ZSWIM6: variants seen among roughly 807,000 people sequenced by gnomAD.
ZSWIM6 encodes the protein zinc finger SWIM-type containing 6, also known as zinc finger SWIM domain-containing protein 6.
ZSWIM6 carries 9 observed loss-of-function variants against 113.2 expected under a neutral mutation model. The observed-to-expected ratio is 0.08, with a 90% CI of 0.05 to 0.14. The LOEUF (loss-of-function observed/expected upper bound fraction) is 0.14, where lower values mean the gene tolerates loss of function less well. Among genes scored for constraint, ZSWIM6 ranks in the 10% least tolerant of loss-of-function variants. The probability of loss-of-function intolerance (pLI) is 1.00; values close to 1 mark genes in which losing one functional copy is unlikely to be tolerated. For missense variants in ZSWIM6, 1,162 were observed against 1,552.2 expected, an observed-to-expected ratio of 0.75 and a Z score of 4.22; for synonymous variants, 611 against 606.5, an observed-to-expected ratio of 1.01 and a Z score of -0.11.
intron 1 of ZSWIM6, among the ~76,000 whole-genome samples, chr5:61,442,930 T>A (rs552298866): frequency 2.5e-4 from 38 of 152,212 alleles, no homozygotes; most frequent in African/African-American, 9.2e-4. Flanking sequence ...TCAGCAATGC[T>A]TCAAACAAAC....
intron 1 of ZSWIM6, among the ~76,000 whole-genome samples, chr5:61,380,029 C>A (rs1244252636): frequency 6.6e-6 from 1 of 152,008 alleles, no homozygotes; most frequent in Non-Finnish European, 1.5e-5. Context: ...TTTGAATAGC[C>A]TTAGGACTAT....
Position 61,535,654 on chromosome 5 carries a change from C to A in ZSWIM6, c.2381+35C>A, listed in dbSNP as rs772305432. ...CACAGCCCAGCTGGGCAGAGGCAGGCCACATTCCCACTGGGAAGCATGGCT... is the reference window on the plus strand; with the variant it reads ...CACAGCCCAGCTGGGCAGAGGCAGGACACATTCCCACTGGGAAGCATGGCT... On this transcript the variant is annotated intron_variant, in intron 10 of 13. Coordinates refer to ENST00000252744, the MANE Select transcript of ZSWIM6 (RefSeq NM_020928.2). 5 of 1,548,426 alleles carry A rather than the reference C, an allele frequency of 3.2e-6. No homozygotes were observed. In the South Asian group the frequency reaches 6.0e-5, roughly 18 times the overall value.
At chr5:61,468,196 G>A (rs926195863) in intron 1 of ZSWIM6, among the ~76,000 whole-genome samples, 3 of 152,266 alleles carry the variant, frequency 2.0e-5, no homozygotes, top group Admixed American at 6.5e-5. Flanking sequence ...GCATTTAAGT[G>A]GCAGAACCTG....
intron 1 of ZSWIM6, among the ~76,000 whole-genome samples, chr5:61,418,997 T>C (rs890390606): frequency 6.6e-6 from 1 of 152,206 alleles, no homozygotes; most frequent in Non-Finnish European, 1.5e-5. Flanking sequence ...AATTTTTGTG[T>C]TTTTAGTAGA....
Position 61,544,871 on chromosome 5 carries a change from C to G in ZSWIM6, c.*554C>G, listed in dbSNP as rs1156635707. ...TCGTCCAGAAGCATGGCACACGATG[C>G]TTGTGCATGTGGAAACTTAGCGACT... On this transcript the variant is annotated 3_prime_UTR_variant, in exon 14 of 14. Transcript: ENST00000252744. 2.0e-5 allele frequency: 3 copies of G among 152,010 alleles called. No homozygotes were observed. The highest frequency in any genetic ancestry group is 2.0e-4 in the Admixed American group (3 of 15,260). The allele number at this position is 152,010 out of a possible 1,614,324, so 9.4% of individuals were successfully genotyped here.
intron 1 of ZSWIM6, among the ~76,000 whole-genome samples, chr5:61,457,027 G>T (rs1267158013): frequency 4.6e-5 from 7 of 151,460 alleles, no homozygotes; most frequent in African/African-American, 1.7e-4. Flanking sequence ...CTAGCATTAG[G>T]TATATCTCCC....
At chr5:61,508,111 G>C (rs149315565) in intron 4 of ZSWIM6, among the ~76,000 whole-genome samples, 158 of 152,224 alleles carry the variant, frequency 1.0e-3, no homozygotes, top group African/African-American at 3.6e-3. Context: ...TCATGTGAGG[G>C]TGAAATGTGA....
chr5:61,353,663 CCTT>C (rs1202975476), intron 1 of ZSWIM6, among the ~76,000 whole-genome samples: 1 of 152,140 alleles, frequency 6.6e-6, no homozygotes, highest in Non-Finnish European at 1.5e-5. Context: ...CGATATAGTA[CCTT>C]CTTGTTCCTT....
At chr5:61,393,556 A>G (rs1257153444) in intron 1 of ZSWIM6, among the ~76,000 whole-genome samples, 1 of 152,080 alleles carries the variant, frequency 6.6e-6, no homozygotes, top group Non-Finnish European at 1.5e-5. Flanking sequence ...GCTCCCAGAA[A>G]GCTGATAATT....
rs1749695193 is a variant in ZSWIM6, at chr5:61,540,322, ATAG to A, written c.2703+565_2703+567del. Reference sequence around the variant, plus strand: ...CATGCAGATAGATGTTTGCTTCCTTATAGTTTCTGAACAGATCACTGGATAAAC... The same window carrying A: ...CATGCAGATAGATGTTTGCTTCCTTATTTCTGAACAGATCACTGGATAAAC... On this transcript the variant is annotated intron_variant, in intron 12 of 13. Transcript: ENST00000252744. Among the ~76,000 whole-genome samples, 3 of 152,182 alleles carry A rather than the reference ATAG, an allele frequency of 2.0e-5. No individual in the cohort carries two copies. In the South Asian group the frequency reaches 6.2e-4, roughly 31 times the overall value.
intron 1 of ZSWIM6, among the ~76,000 whole-genome samples, chr5:61,365,181 G>A (rs1038379193): frequency 1.5e-4 from 23 of 151,912 alleles, no homozygotes; most frequent in Admixed American, 1.2e-3. Flanking sequence ...GTGAAACCCC[G>A]TCTCTACTAA....
intron 1 of ZSWIM6, among the ~76,000 whole-genome samples, chr5:61,354,793 C>G (rs1362664415): frequency 1.3e-5 from 2 of 152,122 alleles, no homozygotes; most frequent in Non-Finnish European, 2.9e-5. Flanking sequence ...GGGAGTTTCT[C>G]AAAGCACCAT....
intron 1 of ZSWIM6, among the ~76,000 whole-genome samples, chr5:61,346,484 A>G (rs546237071): frequency 1.3e-5 from 2 of 152,334 alleles, no homozygotes; most frequent in South Asian, 2.1e-4. Flanking sequence ...AGATATGTGT[A>G]TATGTATAAT....
chr5:61,332,301 C>A lies in ZSWIM6; in HGVS notation c.29C>A (p.Pro10His), dbSNP rs943024318. MAERGQQPP[P>H]AKRLCCRPGG... Reference sequence around the variant, plus strand: ...GCGGAGCGCGGACAGCAGCCTCCTCCCGCGAAACGGCTTTGCTGCCGGCCG... The same window carrying A: ...GCGGAGCGCGGACAGCAGCCTCCTCACGCGAAACGGCTTTGCTGCCGGCCG... Residue 10 changes from proline (P) to histidine (H), a missense_variant, in exon 1 of 14, where the codon CCC becomes CAC. By Grantham distance (77) the Pro-to-His change is moderately conservative. Coordinates refer to ENST00000252744, the MANE Select transcript of ZSWIM6 (RefSeq NM_020928.2). The A allele has an allele frequency of 2.6e-5, 30 of 1,168,500 alleles. No individual in the cohort carries two copies. Among genetic ancestry groups the A allele is most frequent in the African/African-American group, 4.8e-5 (3 of 61,934 alleles). 72.4% of individuals were successfully genotyped at this position (1,168,500 alleles called of 1,614,324 possible).
At chr5:61,412,734 T>C (rs1746171116) in intron 1 of ZSWIM6, among the ~76,000 whole-genome samples, 1 of 152,204 alleles carries the variant, frequency 6.6e-6, no homozygotes, top group African/African-American at 2.4e-5. Context: ...GGAGTGTCCA[T>C]CTTGAATATT....
In ZSWIM6 at chr5:61,382,024, G is replaced by A. The variant is rs545220893; in HGVS notation, c.676+49076G>A. Among the ~76,000 whole-genome samples the A allele has an allele frequency of 2.4e-3, 359 of 152,222 alleles. 1 individual carries two copies. The highest frequency in any genetic ancestry group is 0.016 in the South Asian group (79 of 4,822). ...GAGGTATAGACAGTAGAGTGATACC[G>A]ATACATGAGGAAAATGAGAACTGGA... On this transcript the variant is annotated intron_variant, in intron 1 of 13. Coordinates refer to ENST00000252744, the MANE Select transcript of ZSWIM6 (RefSeq NM_020928.2).
At chr5:61,538,358 T>C (rs911594160) in intron 10 of ZSWIM6, among the ~76,000 whole-genome samples, 2 of 152,248 alleles carry the variant, frequency 1.3e-5, no homozygotes, top group Non-Finnish European at 2.9e-5. Context: ...AGCTTATTCA[T>C]CTTAAGTACT....
intron 3 of ZSWIM6, among the ~76,000 whole-genome samples, chr5:61,493,570 C>T (rs1748237920): frequency 6.6e-6 from 1 of 152,102 alleles, no homozygotes; most frequent in Non-Finnish European, 1.5e-5. Context: ...ATGGTAAGTA[C>T]AATCAGTTGG....
intron 1 of ZSWIM6, among the ~76,000 whole-genome samples, chr5:61,401,717 A>G (rs1934882359): frequency 6.6e-6 from 1 of 152,212 alleles, no homozygotes; most frequent in Non-Finnish European, 1.5e-5. Flanking sequence ...CCACATCTGC[A>G]TTATTGTATT....
Sources: allele counts gnomAD v4.1 joint callset (sites outside exome capture counted in the v4.1 genomes callset), GRCh38; gene constraint gnomAD v4.1.1; transcripts MANE v1.5; gene names NCBI Gene and HGNC (gene_info 2026-07-23, HGNC 2026-07-21).